CACHD1: variants seen among roughly 807,000 people sequenced by gnomAD.
CACHD1 encodes the protein cache domain containing 1.
A neutral mutation model predicts 138.7 loss-of-function variants in CACHD1; 71 were observed. That is an observed-to-expected ratio of 0.51 (90% CI 0.42 to 0.62). The LOEUF (loss-of-function observed/expected upper bound fraction) is 0.62, where lower values mean the gene tolerates loss of function less well. CACHD1 is among the 20% of genes least tolerant of loss of function. CACHD1 has a pLI of 0.00. For missense variants in CACHD1, 1,389 were observed against 1,625.3 expected, an observed-to-expected ratio of 0.85 and a Z score of 2.50; for synonymous variants, 578 against 591.5, an observed-to-expected ratio of 0.98 and a Z score of 0.33.
intron 2 of CACHD1, among the ~76,000 whole-genome samples, chr1:64,581,888 T>C (rs923768404): frequency 1.3e-5 from 2 of 152,236 alleles, no homozygotes; most frequent in Admixed American, 6.5e-5. Context: ...AGGTATTTTA[T>C]GGATAGGTAT....
intron 6 of CACHD1, 29 bp downstream of exon 6, chr1:64,632,772 C>T: frequency 1.2e-6 from 2 of 1,613,002 alleles, no homozygotes; most frequent in Non-Finnish European, 1.7e-6. Context: ...ACCCCTATGG[C>T]ATCAGGTTCT....
chr1:64,529,979 A>G (rs2100398310), intron 1 of CACHD1, among the ~76,000 whole-genome samples: 1 of 152,348 alleles, frequency 6.6e-6, no homozygotes, highest in African/African-American at 2.4e-5. Flanking sequence ...TGGCTAGAAC[A>G]AAACAAAAGA....
intron 1 of CACHD1, among the ~76,000 whole-genome samples, chr1:64,498,418 T>C (rs2100315281): frequency 6.6e-6 from 1 of 152,296 alleles, no homozygotes; most frequent in Middle Eastern, 3.4e-3. Context: ...ATTCCTTGTA[T>C]CATCATATTT....
intron 14 of CACHD1, 191 bp from the exon 15 acceptor site, chr1:64,664,307 A>G (rs781621116): frequency 6.6e-6 from 4 of 604,068 alleles, no homozygotes; most frequent in Non-Finnish European, 8.7e-6. Context: ...GTGATCACGC[A>G]TCTGCTGACT....
chr1:64,552,387 T>G (rs1646765476), intron 2 of CACHD1, among the ~76,000 whole-genome samples: 1 of 152,098 alleles, frequency 6.6e-6, no homozygotes, highest in African/African-American at 2.4e-5. Context: ...AAGTTATTTG[T>G]AGTTGATGGA....
intron 1 of CACHD1, among the ~76,000 whole-genome samples, chr1:64,473,631 G>A (rs1434408933): frequency 6.6e-6 from 1 of 152,188 alleles, no homozygotes; most frequent in Non-Finnish European, 1.5e-5. Flanking sequence ...CCTTGCTTAA[G>A]GGATTGACTC....
Position 64,673,165 on chromosome 1 carries a change from A to T in CACHD1, c.2518A>T (p.Ile840Leu). Residue 840 changes from isoleucine (I) to leucine (L), a missense_variant, in exon 18 of 27, where the codon ATA becomes TTA. Transcript: ENST00000651257. Reference sequence around the variant, plus strand: ...TAACTTGTTTTGGTACAGGTGCTTCATAATGGAGGACAGGGGTTATCTGGT... The same window carrying T: ...TAACTTGTTTTGGTACAGGTGCTTCTTAATGGAGGACAGGGGTTATCTGGT... ...QDGGNKIRCF[I>L]MEDRGYLVAH... 1 of 1,612,732 alleles carries T rather than the reference A, an allele frequency of 6.2e-7. No individual in the cohort carries two copies. The highest frequency in any genetic ancestry group is 8.5e-7 in the Non-Finnish European group (1 of 1,179,896).
intron 1 of CACHD1, among the ~76,000 whole-genome samples, chr1:64,488,919 C>G (rs1646258290): frequency 6.6e-6 from 1 of 152,146 alleles, no homozygotes; most frequent in Admixed American, 6.5e-5. Context: ...AAATACAGCC[C>G]TGCTTTCCTG....
At chr1:64,681,834 C>T (rs1168793576) in intron 25 of CACHD1, among the ~76,000 whole-genome samples, 171 bp from the exon 26 acceptor site, 1 of 151,996 alleles carries the variant, frequency 6.6e-6, no homozygotes, top group Non-Finnish European at 1.5e-5. Context: ...TCTCACTGCA[C>T]CAGTTCTAAA....
Position 64,652,187 on chromosome 1 carries a change from T to C in CACHD1, c.1417T>C (p.Cys473Arg), listed in dbSNP as rs766538211. The C allele has an allele frequency of 4.3e-6, 7 of 1,612,262 alleles. No individual in the cohort carries two copies. The highest frequency in any genetic ancestry group is 5.1e-6 in the Non-Finnish European group (6 of 1,179,450). Residue 473 changes from cysteine to arginine, a missense_variant, in exon 10 of 27, where the codon TGT (cysteine) becomes CGT (arginine). Cys to Arg is a radical substitution (Grantham distance 180). This residue lies in a region of CACHD1 where 1,000 missense variants were observed against 1,114.7 expected (regional missense o/e 0.90). Transcript: ENST00000651257. ...DGLIMTVSKP[C>R]YFGNLLLGIV... ...TTTGATAATGACTGTGAGTAAACCC[T>C]GTTATTTTGGAAACCTACTTCTGGG...
intron 2 of CACHD1, among the ~76,000 whole-genome samples, chr1:64,566,306 T>A (rs965693991): frequency 1.3e-5 from 2 of 152,164 alleles, no homozygotes; most frequent in African/African-American, 4.8e-5. Flanking sequence ...AGGTGCTCAG[T>A]AAAAATTTGC....
intron 12 of CACHD1, among the ~76,000 whole-genome samples, chr1:64,658,402 C>A (rs1482333608): frequency 6.6e-6 from 1 of 152,078 alleles, no homozygotes; most frequent in African/African-American, 2.4e-5. Flanking sequence ...GCTCATTAAC[C>A]CACATTAGCA....
At chr1:64,478,481 A>G (rs569800851) in intron 1 of CACHD1, among the ~76,000 whole-genome samples, 72 of 152,190 alleles carry the variant, frequency 4.7e-4, no homozygotes, top group Non-Finnish European at 8.8e-4. Context: ...GAGAGAAGAG[A>G]GGCAGATTGA....
intron 4 of CACHD1, among the ~76,000 whole-genome samples, chr1:64,612,714 A>C (rs1439068919): frequency 6.6e-6 from 1 of 152,164 alleles, no homozygotes; most frequent in Non-Finnish European, 1.5e-5. Flanking sequence ...TCCCTTCTAA[A>C]TATTGCTACC....
At chr1:64,634,018 G>GTTTTTTTTTTTTTTTTT in intron 6 of CACHD1, 26 bp from the exon 7 acceptor site, 7 of 1,204,898 alleles carry the variant, frequency 5.8e-6, no homozygotes, top group Non-Finnish European at 6.9e-6. Context: ...AAGTTTGGTG[G>GTTTTTTTTTTTTTTTTT]TTTTTTTTTT....
intron 26 of CACHD1, among the ~76,000 whole-genome samples, chr1:64,685,197 T>C (rs1350088184): frequency 6.6e-6 from 1 of 152,264 alleles, no homozygotes; most frequent in Non-Finnish European, 1.5e-5. Flanking sequence ...TAGTATTACC[T>C]ACAGTATTGT....
chr1:64,672,179 AT>A (rs1649838856), intron 17 of CACHD1, among the ~76,000 whole-genome samples: 1 of 152,212 alleles, frequency 6.6e-6, no homozygotes, highest in Non-Finnish European at 1.5e-5. Context: ...CATACCCTTG[AT>A]TTAATGCAGG....
intron 1 of CACHD1, among the ~76,000 whole-genome samples, chr1:64,487,442 G>GC (rs1352621449): frequency 7.2e-5 from 11 of 152,280 alleles, no homozygotes; most frequent in Admixed American, 5.2e-4. Context: ...TACTCCTAGA[G>GC]CCCAAAGCTC....
intron 2 of CACHD1, among the ~76,000 whole-genome samples, chr1:64,577,541 A>G (rs1188543341): frequency 6.6e-6 from 1 of 152,168 alleles, no homozygotes; most frequent in Non-Finnish European, 1.5e-5. Flanking sequence ...ATGGGTTTGA[A>G]TCCCAGCCCT....
Sources: gnomAD v4.1 joint callset for allele counts (sites outside exome capture counted in the v4.1 genomes callset) on GRCh38, gnomAD v4.1.1 for gene constraint, gnomAD v4.1.1 regional missense constraint, MANE v1.5 for transcripts, NCBI Gene and HGNC (gene_info 2026-07-23, HGNC 2026-07-21) for gene names.